Variants in SDK1 observed in about 807,000 individuals in gnomAD.
SDK1 encodes the protein sidekick cell adhesion molecule 1.
In SDK1, 157 loss-of-function variants were observed where a neutral mutation model predicts 245.5. The ratio of observed to expected loss-of-function variants is 0.64; its 90% CI spans 0.56 to 0.73. SDK1 has a LOEUF of 0.73. SDK1 is among the 30% of genes least tolerant of loss of function. SDK1 has a pLI of 0.00. For synonymous variants in SDK1, 1,647 were observed against 1,278.5 expected (o/e 1.29, Z -6.15); for missense variants, 3,583 against 3,002.3 (o/e 1.19, Z -4.52).
At chr7:3,808,258 G>A (rs1779299496) in intron 4 of SDK1, among the ~76,000 whole-genome samples, 1 of 152,186 alleles carries the variant, frequency 6.6e-6, no homozygotes, top group African/African-American at 2.4e-5. Context: ...AAGAAGAGTT[G>A]ACGGGGAGCA....
intron 5 of SDK1, among the ~76,000 whole-genome samples, chr7:3,913,360 C>G (rs1232332452): frequency 7.5e-5 from 11 of 146,622 alleles, no homozygotes; most frequent in Non-Finnish European, 1.6e-4. Context: ...GTGGCACGAT[C>G]TCGGCTCACT....
At chr7:3,472,450 C>T (rs1404511482) in intron 1 of SDK1, among the ~76,000 whole-genome samples, 1 of 151,920 alleles carries the variant, frequency 6.6e-6, no homozygotes, top group Non-Finnish European at 1.5e-5. Context: ...ACAAGGCTAA[C>T]TAAAAAGTTA....
intron 5 of SDK1, among the ~76,000 whole-genome samples, chr7:3,873,029 TTA>T (rs1392965144): frequency 1.8e-4 from 28 of 152,266 alleles, no homozygotes; most frequent in African/African-American, 6.0e-4. Context: ...TTTATTCCAT[TTA>T]TGATGCTTTT....
At chr7:4,060,590 T>C (rs1228613588) in intron 19 of SDK1, among the ~76,000 whole-genome samples, 1 of 152,082 alleles carries the variant, frequency 6.6e-6, no homozygotes, top group African/African-American at 2.4e-5. Context: ...ATTGTGTAGG[T>C]TGCCTGTTCA....
chr7:3,908,852 T>C (rs546826558), intron 5 of SDK1, among the ~76,000 whole-genome samples: 1 of 151,674 alleles, frequency 6.6e-6, no homozygotes, highest in East Asian at 1.9e-4. Flanking sequence ...TTTGGTACCT[T>C]AGAATACAGA....
chr7:3,859,106 C>A (rs914878064), intron 5 of SDK1, among the ~76,000 whole-genome samples: 1 of 152,102 alleles, frequency 6.6e-6, no homozygotes, highest in Non-Finnish European at 1.5e-5. Flanking sequence ...TCGTGATCCG[C>A]CCGCCTCGGC....
At chr7:4,236,118 CA>C (rs1385209966) in intron 41 of SDK1, among the ~76,000 whole-genome samples, 1 of 152,248 alleles carries the variant, frequency 6.6e-6, no homozygotes, top group Non-Finnish European at 1.5e-5. Flanking sequence ...GGTGTGCACA[CA>C]TCCCCTATTC....
intron 7 of SDK1, chr7:3,958,179 C>T (rs1043181450): frequency 3.0e-6 from 1 of 338,868 alleles, no homozygotes; most frequent in African/African-American, 2.2e-5. Context: ...AAAGTGAACA[C>T]AACAGCCTTT....
intron 22 of SDK1, among the ~76,000 whole-genome samples, chr7:4,104,398 G>A (rs924085054): frequency 1.3e-5 from 2 of 152,198 alleles, no homozygotes; most frequent in African/African-American, 2.4e-5. Flanking sequence ...GGGCCATCAC[G>A]TTAAAGAAGG....
intron 4 of SDK1, among the ~76,000 whole-genome samples, chr7:3,654,121 A>G (rs551968038): frequency 6.6e-6 from 1 of 152,126 alleles, no homozygotes; most frequent in Non-Finnish European, 1.5e-5. Flanking sequence ...TGTAGAGAAT[A>G]TGCTGGAGCC....
At chr7:3,485,706 G>A (rs1008058004) in intron 1 of SDK1, among the ~76,000 whole-genome samples, 8 of 6,382 alleles carry the variant, frequency 1.3e-3, no homozygotes, top group African/African-American at 4.5e-3. Flanking sequence ...TTTTTTTTTT[G>A]AGCCATCTTG....
chr7:4,216,932 C>T (rs1164991053), intron 38 of SDK1, among the ~76,000 whole-genome samples: 3 of 152,162 alleles, frequency 2.0e-5, no homozygotes, highest in Non-Finnish European at 4.4e-5. Flanking sequence ...GGGAACACTC[C>T]TCGAACCCCT....
intron 19 of SDK1, among the ~76,000 whole-genome samples, chr7:4,065,893 G>C (rs947662130): frequency 1.3e-5 from 2 of 151,868 alleles, no homozygotes; most frequent in Admixed American, 6.6e-5. Flanking sequence ...CTTCTCTGTA[G>C]GAATCCTGGA....
intron 4 of SDK1, among the ~76,000 whole-genome samples, chr7:3,645,476 T>G (rs1447580435): frequency 6.6e-6 from 1 of 152,196 alleles, no homozygotes; most frequent in Admixed American, 6.5e-5. Context: ...CTCCACAAAT[T>G]TATACATCGT....
intron 9 of SDK1, among the ~76,000 whole-genome samples, chr7:3,965,783 A>T (rs1373657799): frequency 6.6e-6 from 1 of 151,970 alleles, no homozygotes; most frequent in Non-Finnish European, 1.5e-5. Flanking sequence ...CCTCCCCCAG[A>T]CAGTGTGGCT....
chr7:4,060,841 G>C (rs1370147644), intron 19 of SDK1, among the ~76,000 whole-genome samples: 1 of 152,056 alleles, frequency 6.6e-6, no homozygotes, highest in Non-Finnish European at 1.5e-5. Context: ...AGGGGATCCA[G>C]TTTCAGCTTT....
chr7:3,318,879 A>G (rs1309612717), intron 1 of SDK1, among the ~76,000 whole-genome samples: 1 of 152,194 alleles, frequency 6.6e-6, no homozygotes, highest in African/African-American at 2.4e-5. Flanking sequence ...AGACAGGATG[A>G]TTCCTTTTGT....
intron 5 of SDK1, among the ~76,000 whole-genome samples, chr7:3,897,813 C>G (rs1781653303): frequency 1.3e-5 from 2 of 152,074 alleles, no homozygotes; most frequent in South Asian, 4.1e-4. Flanking sequence ...AATTTGGGAA[C>G]TTTGATCAAA....
chr7:3,644,797 A>AAAAAAAAAAAAAAAAC (rs1554301839), intron 4 of SDK1, among the ~76,000 whole-genome samples: 1 of 131,558 alleles, frequency 7.6e-6, no homozygotes, highest in Admixed American at 8.8e-5. Flanking sequence ...AAAAAACAAA[A>AAAAAAAAAAAAAAAAC]AACAACAACA....
Sources: allele counts gnomAD v4.1 joint callset (sites outside exome capture counted in the v4.1 genomes callset), GRCh38; gene constraint gnomAD v4.1.1; transcripts MANE v1.5; gene names NCBI Gene and HGNC (gene_info 2026-07-23, HGNC 2026-07-21).